GABRG1: variants seen among roughly 807,000 people sequenced by gnomAD.
GABRG1 encodes the protein gamma-aminobutyric acid receptor subunit gamma-1.
Under a neutral mutation model 49.8 loss-of-function variants are expected in GABRG1, and 49 were observed. The ratio of observed to expected loss-of-function variants is 0.98; its 90% confidence interval spans 0.78 to 1.25. GABRG1 has a LOEUF of 1.25. Ranked by LOEUF, GABRG1 falls within the 50% of genes most tolerant of loss-of-function variation. The pLI, the probability that GABRG1 is intolerant of heterozygous loss-of-function variation, is 0.00. For missense variants in GABRG1, 552 were observed against 552.3 expected (o/e 1.00, Z 0.01); for synonymous variants, 232 against 185.1 (o/e 1.25, Z -2.06).
chr4:46,041,331 A>G (rs1002106466), intron 8 of GABRG1, 77 bp from the exon 9 acceptor site: 1 of 1,241,218 alleles, frequency 8.1e-7, no homozygotes, highest in African/African-American at 1.5e-5. Context: ...TTTAACGCAA[A>G]CTCTAGGAGA....
rs1718830291 is a variant in GABRG1 at position 46,064,443 on chromosome 4, C to T, written c.623G>A (p.Ser208Asn). The T allele has an allele frequency of 6.7e-7, 1 of 1,502,468 alleles. No homozygotes were observed. Among genetic ancestry groups the T allele is most frequent in the African/African-American group, 1.4e-5 (1 of 69,614 alleles). 93.1% of individuals were successfully genotyped at this position (1,502,468 alleles called of 1,614,324 possible). ...DEHSCPLEFS[S>N]YGYPKNEIEY... ...TTATCAAGTGTTTTGTTACTTACAGCTTGAAAATTCCAGTGGACAGGAATG... is the reference window on the plus strand; with the variant it reads ...TTATCAAGTGTTTTGTTACTTACAGTTTGAAAATTCCAGTGGACAGGAATG... The change falls in exon 5 of 9, where the codon AGC becomes AAC. Residue 208 changes from serine (S) to asparagine (N), a missense_variant and splice_region_variant. Physicochemically the swap from Ser to Asn is conservative, Grantham distance 46 (BLOSUM62 1). Coordinates refer to ENST00000295452, the MANE Select transcript of GABRG1 (RefSeq NM_173536.4).
At chr4:46,076,402 T>C (rs1213487613) in intron 3 of GABRG1, among the ~76,000 whole-genome samples, 1 of 141,770 alleles carries the variant, frequency 7.1e-6, no homozygotes, top group African/African-American at 2.6e-5. Context: ...TATATATATA[T>C]ATGCTAAATT....
At chr4:46,061,060 G>C (rs1189750643) in intron 5 of GABRG1, among the ~76,000 whole-genome samples, 1 of 152,036 alleles carries the variant, frequency 6.6e-6, no homozygotes, top group Non-Finnish European at 1.5e-5. Flanking sequence ...AACTCACAAA[G>C]ATAAATGATT....
Position 46,051,541 on chromosome 4 carries a change from A to G in GABRG1, c.1014T>C (p.Ser338=), listed in dbSNP as rs757708022. Residue 338 remains serine, a synonymous_variant, in exon 8 of 9, where the codon TCT becomes TCC. Transcript: ENST00000295452. ...CTGCAAAAACAAAAATGAAACAAAC[A>G]GAAACAAAGAGATCCATCGCAGTCA... is the stretch of plus-strand genomic sequence containing the variant. ...SYVTAMDLFV[S]VCFIFVFAAL... 20 of 1,611,790 alleles carry G rather than the reference A, an allele frequency of 1.2e-5. No homozygotes were observed. The South Asian group carries it at 1.9e-4, about 15-fold the overall frequency.
At chr4:46,075,083 A>T (rs532177006) in intron 3 of GABRG1, among the ~76,000 whole-genome samples, 2 of 151,690 alleles carry the variant, frequency 1.3e-5, no homozygotes, top group Non-Finnish European at 2.9e-5. Flanking sequence ...ATATATATAT[A>T]TTTTAAAAAG....
chr4:46,100,549 C>T (rs1720345073), intron 1 of GABRG1, among the ~76,000 whole-genome samples: 1 of 151,340 alleles, frequency 6.6e-6, no homozygotes, highest in African/African-American at 2.4e-5. Flanking sequence ...CCTAATTAGA[C>T]TTGTTGAGAT....
In GABRG1 at chr4:46,082,043, C is replaced by T. The variant is rs535511528; in HGVS notation, c.321+1943G>A. On this transcript the variant is annotated intron_variant, in intron 3 of 8. Transcript: ENST00000295452. Reference sequence around the variant, plus strand: ...AGTGAACAAATACCAAAGGCAAAAGCGAAGGAGAGGAGTAGAAGACATTAT... The same window carrying T: ...AGTGAACAAATACCAAAGGCAAAAGTGAAGGAGAGGAGTAGAAGACATTAT... Among the ~76,000 whole-genome samples the T allele has an allele frequency of 3.2e-4, 49 of 151,688 alleles. 1 individual carries two copies. Among genetic ancestry groups the T allele is most frequent in the Non-Finnish European group, 5.6e-4 (38 of 67,854 alleles).
intron 1 of GABRG1, among the ~76,000 whole-genome samples, chr4:46,101,542 C>T (rs1251538615): frequency 1.3e-5 from 2 of 151,536 alleles, no homozygotes; most frequent in African/African-American, 4.8e-5. Context: ...TGTTTTTGTC[C>T]ATCTACAGAG....
At chr4:46,097,178 C>T (rs762254862) in intron 2 of GABRG1, 23 bp downstream of exon 2, 1 of 1,581,374 alleles carries the variant, frequency 6.3e-7, no homozygotes. Context: ...CATCAAAATC[C>T]CAGAATGGTA....
At chr4:46,086,563 T>C (rs1719762150) in intron 2 of GABRG1, among the ~76,000 whole-genome samples, 1 of 151,594 alleles carries the variant, frequency 6.6e-6, no homozygotes, top group South Asian at 2.1e-4. Flanking sequence ...GAGAGTTTTA[T>C]AGACTTTTCT....
At chr4:46,095,539 A>G (rs939077068) in intron 2 of GABRG1, among the ~76,000 whole-genome samples, 4 of 151,812 alleles carry the variant, frequency 2.6e-5, no homozygotes, top group South Asian at 2.1e-4. Context: ...AGGAGGAAAA[A>G]AAAAGACTAA....
In GABRG1 at chr4:46,051,490, A is replaced by C; in HGVS notation, c.1065T>G (p.His355Gln). Reference protein sequence around the residue: ...FAALMEYGTLHYFTSNQKGKT... With the variant: ...FAALMEYGTLQYFTSNQKGKT... ...TTCCTTTTTGGTTGCTGGTAAAATA[A>C]TGCAAGGTTCCATATTCCATCAAGG... Residue 355 changes from histidine (H) to glutamine (Q), a missense_variant, in exon 8 of 9, where the codon CAT (histidine) becomes CAG (glutamine). By Grantham distance (24) the His-to-Gln change is conservative. Coordinates refer to ENST00000295452, the MANE Select transcript of GABRG1 (RefSeq NM_173536.4). 1 of 1,611,280 alleles carries C rather than the reference A, an allele frequency of 6.2e-7. No individual in the cohort carries two copies. The highest frequency in any genetic ancestry group is 1.1e-5 in the South Asian group (1 of 91,006).
intron 1 of GABRG1, among the ~76,000 whole-genome samples, chr4:46,115,025 C>A (rs1720841373): frequency 6.6e-6 from 1 of 150,496 alleles, no homozygotes; most frequent in East Asian, 2.0e-4. Flanking sequence ...ATGTATGATT[C>A]CTAAATTTTT....
intron 1 of GABRG1, among the ~76,000 whole-genome samples, chr4:46,102,736 A>G (rs1720422320): frequency 1.3e-5 from 2 of 151,752 alleles, no homozygotes; most frequent in African/African-American, 4.8e-5. Context: ...CTTTGATGAC[A>G]AGAAATTACT....
chr4:46,066,084 G>T (rs964620481), intron 3 of GABRG1, among the ~76,000 whole-genome samples: 1 of 152,128 alleles, frequency 6.6e-6, no homozygotes. Flanking sequence ...AGTAGTTATT[G>T]TTGCACAGTT....
Position 46,123,981 on chromosome 4 carries a change from A to C in GABRG1, c.-68T>G. On this transcript the variant is annotated 5_prime_UTR_variant, in exon 1 of 9. Coordinates refer to ENST00000295452, the MANE Select transcript of GABRG1 (RefSeq NM_173536.4). ...CAGCCAGGACTTTTCCTCCCACCTC[A>C]GCAGCAGCTGGCTGAGTACAGAAGG... 2.5e-6 allele frequency: 3 copies of C among 1,192,992 alleles called. No homozygotes were observed. Among genetic ancestry groups the C allele is most frequent in the Non-Finnish European group, 3.7e-6 (3 of 806,492 alleles). 73.9% of individuals were successfully genotyped at this position (1,192,992 alleles called of 1,614,324 possible). A position where few individuals can be genotyped will look rare whatever the true frequency, so the allele number is the denominator to read the frequency against.
intron 1 of GABRG1, among the ~76,000 whole-genome samples, chr4:46,109,470 G>A (rs1332121219): frequency 1.3e-5 from 2 of 150,600 alleles, no homozygotes; most frequent in African/African-American, 4.9e-5. Flanking sequence ...TTTAGAAAAG[G>A]TTTCACTGAT....
chr4:46,069,645 C>T (rs34837460), intron 3 of GABRG1, among the ~76,000 whole-genome samples: 6,293 of 152,118 alleles, frequency 0.041, 207 homozygotes, highest in Admixed American at 0.077. Flanking sequence ...TTTGTGCTCT[C>T]TTTTTATATC....
intron 3 of GABRG1, among the ~76,000 whole-genome samples, chr4:46,081,462 TGA>T (rs1719564797): frequency 6.6e-6 from 1 of 151,784 alleles, no homozygotes; most frequent in Non-Finnish European, 1.5e-5. Context: ...TAAAAGTTAA[TGA>T]GAGTCATGTG....
Sources: gnomAD v4.1 joint callset for allele counts (sites outside exome capture counted in the v4.1 genomes callset) on GRCh38, gnomAD v4.1.1 for gene constraint, MANE v1.5 for transcripts, NCBI Gene and HGNC (gene_info 2026-07-23, HGNC 2026-07-21) for gene names.